The following SEMA5B variants were observed in gnomAD, a reference collection of about 807,000 sequenced individuals.
SEMA5B encodes the protein semaphorin-5B.
SEMA5B carries 66 observed loss-of-function variants against 135.0 expected under a neutral mutation model. The observed-to-expected ratio is 0.49, with a 90% CI of 0.40 to 0.60. The LOEUF (loss-of-function observed/expected upper bound fraction) is 0.60, where lower values mean the gene tolerates loss of function less well. SEMA5B is among the 20% of genes least tolerant of loss of function. The probability of loss-of-function intolerance (pLI) is 0.00; values close to 1 mark genes in which losing one functional copy is unlikely to be tolerated. For synonymous variants in SEMA5B, 690 were observed against 639.5 expected, an observed-to-expected ratio of 1.08 and a Z score of -1.19; for missense variants, 1,501 against 1,566.3, an observed-to-expected ratio of 0.96 and a Z score of 0.70.
chr3:123,028,389 A>C (rs992556915), upstream of SEMA5B: 2 of 152,282 alleles, frequency 1.3e-5, no homozygotes, highest in African/African-American at 4.8e-5. Flanking sequence ...TACGATACCG[A>C]GCGAACCTCT....
intron 1 of SEMA5B, among the ~76,000 whole-genome samples, chr3:122,987,555 G>A (rs899634651): frequency 6.6e-6 from 1 of 152,340 alleles, no homozygotes; most frequent in East Asian, 1.9e-4. Flanking sequence ...GCTCCTTGGG[G>A]ATAGAGCCCT....
At chr3:122,966,743 A>G (rs1266312268) in intron 1 of SEMA5B, among the ~76,000 whole-genome samples, 1 of 150,186 alleles carries the variant, frequency 6.7e-6, no homozygotes, top group Non-Finnish European at 1.5e-5. Context: ...CATTTTTAGT[A>G]GAGACGGGGT....
Position 122,913,228 on chromosome 3 carries a change from G to T in SEMA5B, c.2477C>A (p.Ala826Glu), listed in dbSNP as rs1426001669. 5 of 1,579,940 alleles carry T rather than the reference G, an allele frequency of 3.2e-6. No homozygotes were observed. Among genetic ancestry groups the T allele is most frequent in the Non-Finnish European group, 4.3e-6 (5 of 1,172,396 alleles). ...GGTGTCGCAGGAGCCGGAGCCGTCCGCGGGACAGGTCCTCGTCTCGGTCCT... is the reference window on the plus strand; with the variant it reads ...GGTGTCGCAGGAGCCGGAGCCGTCCTCGGGACAGGTCCTCGTCTCGGTCCT... Reference protein sequence around the residue: ...RRRTETRTCPADGSGSCDTDA... With the variant: ...RRRTETRTCPEDGSGSCDTDA... Residue 826 changes from alanine to glutamate, a missense_variant, in exon 17 of 23, where the codon GCG becomes GAG. This residue lies in a region of SEMA5B where 927 missense variants were observed against 881.6 expected (regional missense o/e 1.05). Transcript: ENST00000357599.
intron 1 of SEMA5B, among the ~76,000 whole-genome samples, chr3:123,018,311 T>C (rs983959639): frequency 6.6e-6 from 1 of 152,258 alleles, no homozygotes; most frequent in Non-Finnish European, 1.5e-5. Context: ...CTCTGGGCTC[T>C]TCTGGTTCTC....
chr3:122,976,025 C>A, intron 1 of SEMA5B: 1 of 1,535,058 alleles, frequency 6.5e-7, no homozygotes, highest in South Asian at 1.2e-5. Context: ...TCTGCTTGCC[C>A]GTCCCTGTAG....
rs1867531 is a variant in SEMA5B, at chr3:122,996,477, C to T, written c.-39+30987G>A. On this transcript the variant is annotated intron_variant, in intron 1 of 22. Coordinates refer to ENST00000357599, the MANE Select transcript of SEMA5B (RefSeq NM_001031702.4). ...GAGCTGGCTGCCCTGACCCCGGCCC[C>T]GTGCTTCCCCGCCTTGGCCTCACAC... is the stretch of plus-strand genomic sequence containing the variant. Among the ~76,000 whole-genome samples, 128 of 152,336 alleles carry T rather than the reference C, an allele frequency of 8.4e-4. 1 individual carries two copies. Among genetic ancestry groups the T allele is most frequent in the African/African-American group, 3.0e-3 (126 of 41,582 alleles).
chr3:122,976,578 A>T (rs1202564347), intron 1 of SEMA5B, among the ~76,000 whole-genome samples: 1 of 152,222 alleles, frequency 6.6e-6, no homozygotes, highest in Non-Finnish European at 1.5e-5. Flanking sequence ...CAAAACAGTT[A>T]AAAGACTGCA....
At position 122,923,625 on chromosome 3, in the gene SEMA5B, T is replaced by G; in HGVS notation, c.1264A>C (p.Asn422His). 6.2e-7 allele frequency: 1 copy of G among 1,613,898 alleles called. No homozygotes were observed. Among genetic ancestry groups the G allele is most frequent in the Non-Finnish European group, 8.5e-7 (1 of 1,179,942 alleles). Residue 422 changes from asparagine to histidine, a missense_variant, in exon 10 of 23, where the codon AAT (asparagine) becomes CAT (histidine). Physicochemically the swap from Asn to His is moderately conservative, Grantham distance 68. Coordinates refer to ENST00000357599, the MANE Select transcript of SEMA5B (RefSeq NM_001031702.4). ...AGGAGGAGATTCTGTACCTGGAAAT[T>G]GGGGATGGGGTTGGCTATGGGGAGC... is the stretch of plus-strand genomic sequence containing the variant. ...AWLPIANPIPNFQCGTLPETG... is the reference protein window; with the variant it reads ...AWLPIANPIPHFQCGTLPETG...
intron 22 of SEMA5B, among the ~76,000 whole-genome samples, chr3:122,910,537 C>T (rs566962306): frequency 3.3e-5 from 5 of 152,266 alleles, no homozygotes; most frequent in East Asian, 1.9e-4. Context: ...CGGCCGGGCG[C>T]GGTGGCTCAC....
intron 1 of SEMA5B, among the ~76,000 whole-genome samples, chr3:123,011,349 T>C (rs1942434712): frequency 6.6e-6 from 1 of 152,226 alleles, no homozygotes; most frequent in South Asian, 2.1e-4. Flanking sequence ...GGTCACCCCA[T>C]TCAGCCTCTG....
chr3:122,911,419 A>C, intron 21 of SEMA5B, 72 bp downstream of exon 21: 1 of 1,571,290 alleles, frequency 6.4e-7, no homozygotes, highest in Non-Finnish European at 8.6e-7. Context: ...ATGTGGAAAG[A>C]GTCCAGACTT....
intron 5 of SEMA5B, among the ~76,000 whole-genome samples, chr3:122,933,602 T>A (rs1210022601): frequency 6.6e-6 from 1 of 152,172 alleles, no homozygotes; most frequent in East Asian, 1.9e-4. Context: ...TTTGGCAAAT[T>A]TTCTTACGTT....
rs143986819 is a variant in SEMA5B, at chr3:122,944,341, C to T, written c.329-806G>A. Among the ~76,000 whole-genome samples, 556 of 152,306 alleles carry T rather than the reference C, an allele frequency of 3.7e-3. 5 individuals are homozygous for T. Among genetic ancestry groups the T allele is most frequent in the African/African-American group, 0.013 (523 of 41,560 alleles). On this transcript the variant is annotated intron_variant, in intron 3 of 22. Transcript: ENST00000357599. ...CAATTCCTGTTCACCCCCATCCCTA[C>T]CTCCTCCAAGAAGCCTTCTCTGACT...
chr3:122,938,927 C>T (rs930905402), intron 5 of SEMA5B, among the ~76,000 whole-genome samples: 9 of 152,182 alleles, frequency 5.9e-5, no homozygotes, highest in Admixed American at 5.2e-4. Context: ...TCAATCACAG[C>T]TCAAAGAAAA....
chr3:122,954,984 G>A (rs1055146577), intron 2 of SEMA5B, among the ~76,000 whole-genome samples: 2 of 127,834 alleles, frequency 1.6e-5, no homozygotes, highest in South Asian at 5.1e-4. Context: ...TTTTTTTTTT[G>A]TAGAAACAGA....
At chr3:123,026,518 G>A (rs1168055384) in intron 1 of SEMA5B, among the ~76,000 whole-genome samples, 1 of 152,140 alleles carries the variant, frequency 6.6e-6, no homozygotes, top group African/African-American at 2.4e-5. Flanking sequence ...TAAAGTTTGC[G>A]GTGGGCAAAG....
intron 5 of SEMA5B, among the ~76,000 whole-genome samples, chr3:122,932,898 T>C (rs1255340848): frequency 6.6e-6 from 1 of 152,176 alleles, no homozygotes; most frequent in Non-Finnish European, 1.5e-5. Context: ...TTTAAAATTA[T>C]CTGTACACAC....
At chr3:122,999,088 C>T (rs1236149927) in intron 1 of SEMA5B, among the ~76,000 whole-genome samples, 1 of 152,224 alleles carries the variant, frequency 6.6e-6, no homozygotes, top group East Asian at 1.9e-4. Context: ...GCCCGGAGGC[C>T]CTCCTTCCCA....
At chr3:122,912,470 G>A (rs1433377370) in intron 18 of SEMA5B, 128 bp from the exon 19 acceptor site, 18 of 859,992 alleles carry the variant, frequency 2.1e-5, no homozygotes, top group Admixed American at 1.3e-4. Context: ...CGATCCACCC[G>A]CCACCCAACA....
Sources: gnomAD v4.1 joint callset for allele counts (sites outside exome capture counted in the v4.1 genomes callset) on GRCh38, gnomAD v4.1.1 for gene constraint, gnomAD v4.1.1 regional missense constraint, MANE v1.5 for transcripts, NCBI Gene and HGNC (gene_info 2026-07-23, HGNC 2026-07-21) for gene names.